PAN3: variants seen among roughly 807,000 people sequenced by gnomAD.
The protein encoded by PAN3 is poly(A) specific ribonuclease subunit PAN3, also known as PAN2-PAN3 deadenylation complex subunit PAN3.
A neutral mutation model predicts 96.2 loss-of-function variants in PAN3; 19 were observed. That is an observed-to-expected ratio of 0.20 (90% CI 0.14 to 0.29). The LOEUF (loss-of-function observed/expected upper bound fraction) is 0.29, where lower values mean the gene tolerates loss of function less well. PAN3 is among the 10% of genes least tolerant of loss of function. The probability of loss-of-function intolerance (pLI) is 1.00; values close to 1 mark genes in which losing one functional copy is unlikely to be tolerated. For missense variants in PAN3, 882 were observed against 1,108.1 expected, an observed-to-expected ratio of 0.80 and a Z score of 2.90; for synonymous variants, 433 against 406.6, an observed-to-expected ratio of 1.06 and a Z score of -0.78.
At chr13:28,288,493 T>C (rs935647758) in intron 18 of PAN3, among the ~76,000 whole-genome samples, 1 of 152,132 alleles carries the variant, frequency 6.6e-6, no homozygotes, top group Non-Finnish European at 1.5e-5. Flanking sequence ...GGTTTCACCA[T>C]GTTGGCCAGG....
At chr13:28,291,079 C>T (rs892129756) in intron 18 of PAN3, among the ~76,000 whole-genome samples, 1 of 152,060 alleles carries the variant, frequency 6.6e-6, no homozygotes, top group Non-Finnish European at 1.5e-5. Flanking sequence ...TGACAATATT[C>T]TAAGTTTGAA....
chr13:28,139,815 T>TCA (rs1198523174), intron 1 of PAN3, among the ~76,000 whole-genome samples: 1 of 152,140 alleles, frequency 6.6e-6, no homozygotes, highest in Non-Finnish European at 1.5e-5. Flanking sequence ...CTGTCTTCTA[T>TCA]AGCTTTGTAT....
chr13:28,229,821 C>G (rs1002293562), intron 6 of PAN3, among the ~76,000 whole-genome samples: 2 of 152,144 alleles, frequency 1.3e-5, no homozygotes, highest in Non-Finnish European at 2.9e-5. Context: ...TTGCGTGGTT[C>G]CATCCCCAGA....
intron 5 of PAN3, chr13:28,214,487 G>C (rs554478941): frequency 4.0e-6 from 1 of 249,314 alleles, no homozygotes; most frequent in Non-Finnish European, 7.8e-6. Flanking sequence ...CCAGAACACA[G>C]GTGTCATGAA....
intron 6 of PAN3, among the ~76,000 whole-genome samples, chr13:28,251,386 T>G (rs1884708578): frequency 6.6e-6 from 1 of 152,260 alleles, no homozygotes; most frequent in African/African-American, 2.4e-5. Context: ...TTGTCATTTT[T>G]GTGGAAGTGT....
intron 6 of PAN3, among the ~76,000 whole-genome samples, chr13:28,233,232 AG>A (rs1441939773): frequency 2.0e-5 from 3 of 151,484 alleles, no homozygotes; most frequent in Admixed American, 6.6e-5. Context: ...TGATTTGCTT[AG>A]GTGCATTTTT....
At chr13:28,215,039 C>G in intron 5 of PAN3, 1 of 1,138,366 alleles carries the variant, frequency 8.8e-7, no homozygotes, top group Non-Finnish European at 1.3e-6. Flanking sequence ...AGGAAGTCAG[C>G]ACTTATATTA....
At chr13:28,215,768 T>C in intron 5 of PAN3, 1 of 1,460,680 alleles carries the variant, frequency 6.8e-7, no homozygotes, top group Non-Finnish European at 9.5e-7. Context: ...ACCATCCTCT[T>C]CTGAGTTGTT....
intron 18 of PAN3, among the ~76,000 whole-genome samples, chr13:28,289,824 G>A (rs1593647430): frequency 1.3e-5 from 2 of 152,328 alleles, no homozygotes; most frequent in South Asian, 4.1e-4. Context: ...GGAGTTTGCA[G>A]TGAGCCGAGA....
intron 13 of PAN3, 72 bp downstream of exon 13, chr13:28,270,938 ATTG>A: frequency 7.3e-7 from 1 of 1,369,050 alleles, no homozygotes; most frequent in Non-Finnish European, 1.0e-6. Context: ...ACAAAACATG[ATTG>A]TTTTAATTCT....
intron 5 of PAN3, chr13:28,215,628 G>C: frequency 8.5e-7 from 1 of 1,170,644 alleles, no homozygotes; most frequent in Non-Finnish European, 1.2e-6. Flanking sequence ...CAGGTTTGCT[G>C]AGCTGAAGGT....
At chr13:28,184,905 C>T (rs1160817997) in intron 4 of PAN3, among the ~76,000 whole-genome samples, 1 of 152,036 alleles carries the variant, frequency 6.6e-6, no homozygotes. Context: ...AGTTTCCCTC[C>T]ATTTTGTTAT....
At chr13:28,166,603 T>A (rs919389111) in intron 1 of PAN3, among the ~76,000 whole-genome samples, 2 of 152,206 alleles carry the variant, frequency 1.3e-5, no homozygotes, top group Non-Finnish European at 2.9e-5. Context: ...GACATAACCC[T>A]GGTAAAAGCT....
chr13:28,155,092 A>G (rs1329130182), intron 1 of PAN3, among the ~76,000 whole-genome samples: 1 of 151,618 alleles, frequency 6.6e-6, no homozygotes, highest in Admixed American at 6.6e-5. Context: ...CTGGGACTAC[A>G]GGCGTGAGCC....
At chr13:28,145,373 GGAGTGCAGTGGTGT>G (rs1324768267) in intron 1 of PAN3, among the ~76,000 whole-genome samples, 9 of 152,024 alleles carry the variant, frequency 5.9e-5, no homozygotes, top group African/African-American at 2.2e-4. Flanking sequence ...CACCCATGCT[GGAGTGCAGTGGTGT>G]GATCTCTGCT....
intron 7 of PAN3, among the ~76,000 whole-genome samples, chr13:28,259,409 G>T (rs1282655543): frequency 5.9e-5 from 9 of 151,714 alleles, no homozygotes; most frequent in Admixed American, 5.9e-4. Context: ...GGGTTCAAAT[G>T]ATTCTCCTGC....
At chr13:28,195,618 CTT>C (rs1877956853) in intron 4 of PAN3, among the ~76,000 whole-genome samples, 1 of 152,130 alleles carries the variant, frequency 6.6e-6, no homozygotes, top group African/African-American at 2.4e-5. Flanking sequence ...TCACTGCAGT[CTT>C]TGCCTTCCAG....
chr13:28,206,927 T>G (rs1879444916), intron 5 of PAN3, among the ~76,000 whole-genome samples: 1 of 152,154 alleles, frequency 6.6e-6, no homozygotes, highest in Non-Finnish European at 1.5e-5. Flanking sequence ...CCTAGTCCTC[T>G]GCACTCATTC....
intron 12 of PAN3, among the ~76,000 whole-genome samples, chr13:28,270,399 G>C (rs1886511140): frequency 6.6e-6 from 1 of 152,046 alleles, no homozygotes; most frequent in African/African-American, 2.4e-5. Flanking sequence ...ATATTTATTT[G>C]GTTAACAATT....
Sources: allele counts gnomAD v4.1 joint callset (sites outside exome capture counted in the v4.1 genomes callset), GRCh38; gene constraint gnomAD v4.1.1; transcripts MANE v1.5; gene names NCBI Gene and HGNC (gene_info 2026-07-23, HGNC 2026-07-21).